The following KCNMB2 variants were observed in gnomAD, a reference collection of about 807,000 sequenced individuals.
KCNMB2 encodes potassium calcium-activated channel subfamily M regulatory beta subunit 2.
A neutral mutation model predicts 24.5 loss-of-function variants in KCNMB2; 9 were observed. The ratio of observed to expected loss-of-function variants is 0.37; its 90% CI spans 0.22 to 0.64. The LOEUF (loss-of-function observed/expected upper bound fraction) is 0.64. Ranked by LOEUF, KCNMB2 falls within the 30% of genes least tolerant of loss-of-function variation. The pLI is 0.63. For missense variants in KCNMB2, 226 were observed against 284.3 expected (o/e 0.79, Z 1.47); for synonymous variants, 109 against 104.4 (o/e 1.04, Z -0.27).
intron 1 of KCNMB2, among the ~76,000 whole-genome samples, chr3:178,772,821 T>C (rs959959379): frequency 5.3e-5 from 8 of 152,240 alleles, no homozygotes; most frequent in African/African-American, 1.2e-4. Flanking sequence ...GTCTAACTGA[T>C]GGTAATTAAT....
chr3:178,598,999 C>T (rs1237572122), intron 1 of KCNMB2, among the ~76,000 whole-genome samples: 1 of 152,048 alleles, frequency 6.6e-6, no homozygotes, highest in Non-Finnish European at 1.5e-5. Context: ...CACCACCATG[C>T]TACAGAGATG....
chr3:178,750,369 C>T (rs1334150997), intron 1 of KCNMB2, among the ~76,000 whole-genome samples: 1 of 151,954 alleles, frequency 6.6e-6, no homozygotes, highest in Non-Finnish European at 1.5e-5. Context: ...TTTTACTCTG[C>T]GACAGCCTTC....
chr3:178,711,095 T>TA (rs1196819856), intron 1 of KCNMB2, among the ~76,000 whole-genome samples: 2 of 152,122 alleles, frequency 1.3e-5, no homozygotes, highest in Non-Finnish European at 2.9e-5. Context: ...TCAATTCTCA[T>TA]AAAAATCACC....
chr3:178,763,298 G>C (rs770601952), intron 1 of KCNMB2, among the ~76,000 whole-genome samples: 13 of 152,122 alleles, frequency 8.5e-5, no homozygotes, highest in Non-Finnish European at 7.4e-5. Context: ...CTTCAGTAAA[G>C]GTTGGCTGCT....
rs545290118 is a variant in KCNMB2, at chr3:178,600,426, C to A, written c.-68+63715C>A. 3.3e-5 allele frequency among the ~76,000 whole-genome samples: 5 copies of A among 152,242 alleles called. No homozygotes were observed. The East Asian group carries it at 9.6e-4, about 29-fold the overall frequency. ...CCTTCAATTACCTTGAATAGATAAC[C>A]AGAAGTAGAATTGCTGGATCATACA... On this transcript the variant is annotated intron_variant, in intron 1 of 4. Coordinates refer to ENST00000452583, the MANE Select transcript of KCNMB2 (RefSeq NM_181361.3).
chr3:178,748,719 G>A (rs1723748306), intron 1 of KCNMB2, among the ~76,000 whole-genome samples: 1 of 152,106 alleles, frequency 6.6e-6, no homozygotes, highest in Non-Finnish European at 1.5e-5. Flanking sequence ...GCTAGCTATT[G>A]AAAATTGAGA....
Position 178,678,860 on chromosome 3 carries a change from C to T in KCNMB2, c.-67-128483C>T, listed in dbSNP as rs543027804. On this transcript the variant is annotated intron_variant, in intron 1 of 4. Transcript: ENST00000452583. ...GGTTATGGCTTTCTCATCACATTAC[C>T]GGGCTCAATGTAAAAGAGATCCATA... Among the ~76,000 whole-genome samples, 11 of 152,232 alleles carry T rather than the reference C, an allele frequency of 7.2e-5. No homozygotes were observed. The South Asian group carries it at 1.5e-3, about 20-fold the overall frequency.
rs554758757 is a variant in KCNMB2 at position 178,641,951 on chromosome 3, A to G, written c.-68+105240A>G. On this transcript the variant is annotated intron_variant, in intron 1 of 4. Coordinates refer to ENST00000452583, the MANE Select transcript of KCNMB2 (RefSeq NM_181361.3). Reference sequence around the variant, plus strand: ...TAAATTATGCTTATTTATCCATTTTATTTTTATACCCTTAGTTTCTAAACT... The same window carrying G: ...TAAATTATGCTTATTTATCCATTTTGTTTTTATACCCTTAGTTTCTAAACT... Among the ~76,000 whole-genome samples, 14 of 152,184 alleles carry G rather than the reference A, an allele frequency of 9.2e-5. No homozygotes were observed. The South Asian group carries it at 2.9e-3, about 32-fold the overall frequency.
chr3:178,566,537 G>A (rs1390082455), intron 1 of KCNMB2, among the ~76,000 whole-genome samples: 2 of 152,036 alleles, frequency 1.3e-5, no homozygotes, highest in East Asian at 3.9e-4. Context: ...CCAAAACCAA[G>A]TCAAAAGAAA....
intron 1 of KCNMB2, among the ~76,000 whole-genome samples, chr3:178,568,381 C>T (rs896180829): frequency 6.6e-6 from 1 of 152,160 alleles, no homozygotes; most frequent in Non-Finnish European, 1.5e-5. Flanking sequence ...TATGTTCCTG[C>T]TATGTTTCTT....
At chr3:178,772,388 T>C (rs1008241294) in intron 1 of KCNMB2, among the ~76,000 whole-genome samples, 1 of 152,206 alleles carries the variant, frequency 6.6e-6, no homozygotes, top group East Asian at 1.9e-4. Flanking sequence ...AGGATGCAAC[T>C]GAATTTTGGG....
chr3:178,781,894 C>A (rs1224739084), intron 1 of KCNMB2, among the ~76,000 whole-genome samples: 1 of 145,512 alleles, frequency 6.9e-6, no homozygotes, highest in Non-Finnish European at 1.5e-5. Flanking sequence ...CACCCACTAA[C>A]TCGTCATCTA....
chr3:178,565,794 T>A (rs1455079275), intron 1 of KCNMB2, among the ~76,000 whole-genome samples: 3 of 152,144 alleles, frequency 2.0e-5, no homozygotes, highest in African/African-American at 7.2e-5. Flanking sequence ...TTCTGATCAA[T>A]CACATCCTCA....
intron 1 of KCNMB2, among the ~76,000 whole-genome samples, chr3:178,729,663 TG>T (rs1723080198): frequency 6.6e-6 from 1 of 152,216 alleles, no homozygotes; most frequent in African/African-American, 2.4e-5. Context: ...TTGGGCAGAT[TG>T]CAATTTTATT....
At chr3:178,743,756 C>G (rs1346712648) in intron 1 of KCNMB2, among the ~76,000 whole-genome samples, 1 of 152,222 alleles carries the variant, frequency 6.6e-6, no homozygotes, top group Non-Finnish European at 1.5e-5. Flanking sequence ...TCATTTACTT[C>G]TATCTCTGGA....
chr3:178,715,995 T>A (rs1199772533), intron 1 of KCNMB2, among the ~76,000 whole-genome samples: 1 of 152,218 alleles, frequency 6.6e-6, no homozygotes, highest in African/African-American at 2.4e-5. Flanking sequence ...GACTTTCCTG[T>A]CAGTGCCTCT....
In KCNMB2 at chr3:178,818,309, G is replaced by A. The variant is rs1024547446; in HGVS notation, c.57-7279G>A. On this transcript the variant is annotated intron_variant, in intron 2 of 4. Transcript: ENST00000452583. ...AAGTTCTGGGGTACATGTGCAGGAT[G>A]TGCAGGTTTGTTACACAGGTAAACA... Among the ~76,000 whole-genome samples the A allele has an allele frequency of 2.0e-5, 3 of 152,146 alleles. No homozygotes were observed. In the South Asian group the frequency reaches 6.2e-4, roughly 32 times the overall value.
At chr3:178,548,701 T>G (rs1715851196) in intron 1 of KCNMB2, among the ~76,000 whole-genome samples, 1 of 152,222 alleles carries the variant, frequency 6.6e-6, no homozygotes. Context: ...CCTTTTCTAT[T>G]CCTTTCACTC....
At chr3:178,828,852 C>T (rs969202134) in intron 4 of KCNMB2, among the ~76,000 whole-genome samples, 2 of 151,848 alleles carry the variant, frequency 1.3e-5, no homozygotes, top group African/African-American at 2.4e-5. Flanking sequence ...GGCCACCTTG[C>T]AAGGTCCTTA....
Sources: allele counts gnomAD v4.1 joint callset (sites outside exome capture counted in the v4.1 genomes callset), GRCh38; gene constraint gnomAD v4.1.1; transcripts MANE v1.5; gene names NCBI Gene and HGNC (gene_info 2026-07-23, HGNC 2026-07-21).